Variants in CDH17 observed in about 807,000 individuals in gnomAD.
CDH17 encodes the protein cadherin 17.
CDH17 carries 67 observed loss-of-function variants against 86.3 expected under a neutral mutation model. The observed-to-expected ratio is 0.78, with a 90% CI of 0.64 to 0.95. The LOEUF is 0.95. CDH17 is among the 40% of genes least tolerant of loss of function. CDH17 has a pLI of 0.00. For missense variants in CDH17, 993 were observed against 1,017.6 expected, an observed-to-expected ratio of 0.98 and a Z score of 0.33; for synonymous variants, 367 against 366.4, an observed-to-expected ratio of 1.00 and a Z score of -0.02.
chr8:94,170,858 T>C lies in CDH17; in HGVS notation c.911A>G (p.Asp304Gly). Residue 304 changes from aspartate to glycine, a missense_variant, in exon 8 of 18, where the codon GAT becomes GGT. Transcript: ENST00000027335. Reference protein sequence around the residue: ...VTQPLDREEKDAYVFYAVAKD... With the variant: ...VTQPLDREEKGAYVFYAVAKD... ...AAACTCTTCTCTTTTACTCACTGCA[T>C]CCTTTTCTTCTCGGTCCAAGGGCTG... 1.9e-6 allele frequency: 3 copies of C among 1,613,656 alleles called. No homozygotes were observed. Among genetic ancestry groups the C allele is most frequent in the Non-Finnish European group, 2.5e-6 (3 of 1,179,738 alleles).
intron 12 of CDH17, among the ~76,000 whole-genome samples, chr8:94,155,996 C>T (rs185657050): frequency 6.7e-4 from 102 of 152,306 alleles, no homozygotes; most frequent in African/African-American, 2.3e-3. Flanking sequence ...AAGAACAAGC[C>T]TTGTCCGGCC....
chr8:94,164,068 G>T (rs1394868676), intron 10 of CDH17, among the ~76,000 whole-genome samples: 1 of 152,136 alleles, frequency 6.6e-6, no homozygotes, highest in East Asian at 1.9e-4. Flanking sequence ...TTCTATAGAC[G>T]TACTCATGCA....
At chr8:94,215,847 C>T (rs1390782817) in intron 1 of CDH17, among the ~76,000 whole-genome samples, 1 of 148,888 alleles carries the variant, frequency 6.7e-6, no homozygotes, top group African/African-American at 2.5e-5. Context: ...CATTTATTTT[C>T]CTTTAAGTAT....
chr8:94,151,791 T>G (rs1343832673), intron 13 of CDH17, 77 bp downstream of exon 13: 3 of 1,581,432 alleles, frequency 1.9e-6, no homozygotes, highest in Non-Finnish European at 2.6e-6. Context: ...CTGGAGTCAG[T>G]GCAGGCCAGC....
At chr8:94,171,793 G>A (rs1813274060) in intron 7 of CDH17, among the ~76,000 whole-genome samples, 1 of 152,170 alleles carries the variant, frequency 6.6e-6, no homozygotes, top group Admixed American at 6.5e-5. Context: ...CCTACTGCTA[G>A]TTGAAATTTC....
In CDH17 at chr8:94,130,869, T is replaced by C. The variant is rs982328099; in HGVS notation, c.2284+7A>G. On this transcript the variant is annotated splice_region_variant and intron_variant, in intron 16 of 17. Transcript: ENST00000027335. ...CTAGCCTGAGTTGCCTATAGCAGAA[T>C]ATCTACCTGGTAAAGAAACAATGCC... 1 of 1,583,268 alleles carries C rather than the reference T, an allele frequency of 6.3e-7. No individual in the cohort carries two copies. The highest frequency in any genetic ancestry group is 1.3e-5 in the African/African-American group (1 of 74,514).
chr8:94,138,983 A>G (rs1052508502), intron 15 of CDH17, among the ~76,000 whole-genome samples: 3 of 152,250 alleles, frequency 2.0e-5, no homozygotes, highest in African/African-American at 7.2e-5. Flanking sequence ...ATTGCCAGAC[A>G]TTCAGTAAAA....
rs1203206927 is a variant in CDH17 at position 94,131,065 on chromosome 8, A to G, written c.2168-73T>C. 34 of 801,316 alleles carry G rather than the reference A, an allele frequency of 4.2e-5. No individual in the cohort carries two copies. The Admixed American group carries it at 6.4e-4, about 15-fold the overall frequency. The allele number at this position is 801,316 out of a possible 1,614,324, so 49.6% of individuals were successfully genotyped here. A position where few individuals can be genotyped will look rare whatever the true frequency, so the allele number is the denominator to read the frequency against. ...TTAGCAGGAATAAAGCTCATTTTGT[A>G]TCACATACTAAGGTTGACTGGAACA... is the stretch of plus-strand genomic sequence containing the variant. On this transcript the variant is annotated intron_variant, in intron 15 of 17. Transcript: ENST00000027335.
rs201355579 is a variant in CDH17, at chr8:94,206,372, G to A, written c.-21+2111C>T. 1.1e-4 allele frequency among the ~76,000 whole-genome samples: 17 copies of A among 152,212 alleles called. No individual in the cohort carries two copies. In the East Asian group the frequency reaches 3.1e-3, roughly 28 times the overall value. ...TCAACGAGCAGTTACAGAACAACTA[G>A]CCCCATTCTAAATCTGATACCAGAG... On this transcript the variant is annotated intron_variant, in intron 1 of 17. Transcript: ENST00000027335.
At chr8:94,141,505 CATT>C (rs1305385473) in intron 15 of CDH17, among the ~76,000 whole-genome samples, 1 of 152,062 alleles carries the variant, frequency 6.6e-6, no homozygotes, top group African/African-American at 2.4e-5. Context: ...AGGAAGAAGT[CATT>C]ATTCACAGAC....
Position 94,146,012 on chromosome 8 carries a change from G to A in CDH17, c.2083C>T (p.Gln695Ter), listed in dbSNP as rs1257513536. 1.2e-6 allele frequency: 2 copies of A among 1,613,758 alleles called. No homozygotes were observed. Among genetic ancestry groups the A allele is most frequent in the Admixed American group, 1.7e-5 (1 of 59,966 alleles). The change falls in exon 15 of 18, where the codon CAG becomes TAG. Residue 695 changes from glutamine to a stop codon, truncating the protein, a stop_gained. Transcript: ENST00000027335. LOFTEE classifies it high-confidence loss of function. ...AAATGGGGACCCCGAAATAAGTGCT[G>A]ATCATCATCAGTAGCCTCGAAAATG... ...SLIFEATDDD[Q>*]HLFRGPHFTF...
Position 94,205,162 on chromosome 8 carries a change from CA to C in CDH17, c.-21+3320del, listed in dbSNP as rs1167888002. Among the ~76,000 whole-genome samples, 7 of 152,262 alleles carry C rather than the reference CA, an allele frequency of 4.6e-5. No homozygotes were observed. In the East Asian group the frequency reaches 1.2e-3, roughly 25 times the overall value. On this transcript the variant is annotated intron_variant, in intron 1 of 17. Transcript: ENST00000027335. ...TACCCGCAAAAACCCTAGAAGGTGG[CA>C]GGGGGAGACCCTTTCTCCCCCAGAT...
intron 12 of CDH17, among the ~76,000 whole-genome samples, chr8:94,154,970 A>T (rs1456857616): frequency 6.6e-6 from 1 of 152,066 alleles, no homozygotes; most frequent in African/African-American, 2.4e-5. Context: ...TGCATGCACC[A>T]ACACACACCA....
chr8:94,134,823 T>C (rs746421891), intron 15 of CDH17, among the ~76,000 whole-genome samples: 1 of 152,252 alleles, frequency 6.6e-6, no homozygotes. Context: ...CTCTACACAC[T>C]GCTTTAAATG....
intron 15 of CDH17, among the ~76,000 whole-genome samples, chr8:94,133,358 TCTC>T (rs1165551574): frequency 1.3e-5 from 2 of 152,160 alleles, no homozygotes; most frequent in Non-Finnish European, 2.9e-5. Context: ...GGTTTATAGT[TCTC>T]CTTGAAGAGG....
chr8:94,139,563 C>G (rs538571163), intron 15 of CDH17, among the ~76,000 whole-genome samples: 394 of 152,168 alleles, frequency 2.6e-3, no homozygotes, highest in African/African-American at 9.0e-3. Context: ...ATCTTAAAAG[C>G]ACCCAGAGAA....
chr8:94,163,901 C>T (rs1256461469), intron 10 of CDH17, among the ~76,000 whole-genome samples: 1 of 152,214 alleles, frequency 6.6e-6, no homozygotes, highest in Non-Finnish European at 1.5e-5. Context: ...CTCGTTTGAC[C>T]AGCAGTGGGC....
At chr8:94,152,801 G>A (rs1451343940) in intron 12 of CDH17, among the ~76,000 whole-genome samples, 2 of 152,088 alleles carry the variant, frequency 1.3e-5, no homozygotes, top group Admixed American at 6.6e-5. Context: ...TATGACAGAA[G>A]GGCAAACCAT....
At chr8:94,149,440 T>C (rs1459385128) in intron 13 of CDH17, among the ~76,000 whole-genome samples, 1 of 152,116 alleles carries the variant, frequency 6.6e-6, no homozygotes, top group Non-Finnish European at 1.5e-5. Context: ...GCAAGTGAGA[T>C]AGACAGATAA....
Sources: allele counts gnomAD v4.1 joint callset (sites outside exome capture counted in the v4.1 genomes callset), GRCh38; gene constraint gnomAD v4.1.1; transcripts MANE v1.5; gene names NCBI Gene and HGNC (gene_info 2026-07-23, HGNC 2026-07-21).